Variants in TIGD1 observed in about 807,000 individuals in gnomAD.
TIGD1 encodes the protein tigger transposable element-derived protein 1.
A neutral mutation model predicts 21.3 loss-of-function variants in TIGD1; 20 were observed. The ratio of observed to expected loss-of-function variants is 0.94; its 90% CI spans 0.66 to 1.36. The LOEUF is 1.36. Among genes scored for constraint, TIGD1 ranks in the 40% most tolerant of loss-of-function variants. The pLI, the probability that TIGD1 is intolerant of heterozygous loss-of-function variation, is 0.00. For missense variants in TIGD1, 556 were observed against 350.5 expected, an observed-to-expected ratio of 1.59 and a Z score of -4.68; for synonymous variants, 177 against 123.2, an observed-to-expected ratio of 1.44 and a Z score of -2.89.
In TIGD1 at chr2:232,548,082, C is replaced by A. The variant is rs1480023300; in HGVS notation, c.*25G>T. The A allele has an allele frequency of 8.2e-6, 5 of 611,934 alleles. No individual in the cohort carries two copies. The highest frequency in any genetic ancestry group is 1.4e-5 in the Non-Finnish European group (5 of 360,332). 37.9% of individuals were successfully genotyped at this position (611,934 alleles called of 1,614,324 possible). ...ATATACATACCTAAATTTAAAAATA[C>A]TTTATTGCTAAAAAATGCTGATTAT... On this transcript the variant is annotated 3_prime_UTR_variant, in exon 1 of 1. Transcript: ENST00000408957.
At position 232,545,870 on chromosome 2, in the gene TIGD1, A is replaced by C. The variant is rs1692123585; in HGVS notation, c.*2237T>G. ...AACAGCCCTGAGAAAAGCTGGGGAA[A>C]CAGTCTGAGCTGGAGTCCGAGAGTG... is the stretch of plus-strand genomic sequence containing the variant. On this transcript the variant is annotated 3_prime_UTR_variant, in exon 1 of 1. Transcript: ENST00000408957. 2 of 890,838 alleles carry C rather than the reference A, an allele frequency of 2.2e-6. No individual in the cohort carries two copies. Among genetic ancestry groups the C allele is most frequent in the Admixed American group, 2.0e-5 (1 of 50,314 alleles). 55.2% of individuals were successfully genotyped at this position (890,838 alleles called of 1,614,324 possible). A position where few individuals can be genotyped will look rare whatever the true frequency, so the allele number is the denominator to read the frequency against.
Position 232,549,434 on chromosome 2 carries a change from G to A in TIGD1, c.449C>T (p.Ala150Val), listed in dbSNP as rs1455383823. The A allele has an allele frequency of 1.5e-6, 1 of 651,980 alleles. No individual in the cohort carries two copies. Among genetic ancestry groups the A allele is most frequent in the Non-Finnish European group, 2.7e-6 (1 of 364,988 alleles). The allele number at this position is 651,980 out of a possible 1,614,324, so 40.4% of individuals were successfully genotyped here. ...ATCAGCACTTGCTGCTTCACCTTGTGCTTTTATGTTATGGAAATGGCTTCT... is the reference window on the plus strand; with the variant it reads ...ATCAGCACTTGCTGCTTCACCTTGTACTTTTATGTTATGGAAATGGCTTCT... ...KERSHFHNIK[A>V]QGEAASADVE... Residue 150 changes from alanine (A) to valine (V), a missense_variant, in exon 1 of 1, where the codon GCA becomes GTA. Transcript: ENST00000408957.
Position 232,546,103 on chromosome 2 carries a change from T to C in TIGD1, c.*2004A>G, listed in dbSNP as rs1692128439. ...TGGCTCCCCTTTTACAAGTTCTCCCTGAAAGAGGGCAGTCACAAGAGGTGT... is the reference window on the plus strand; with the variant it reads ...TGGCTCCCCTTTTACAAGTTCTCCCCGAAAGAGGGCAGTCACAAGAGGTGT... On this transcript the variant is annotated 3_prime_UTR_variant, in exon 1 of 1. Coordinates refer to ENST00000408957, the MANE Select transcript of TIGD1 (RefSeq NM_145702.4). 1 of 346,790 alleles carries C rather than the reference T, an allele frequency of 2.9e-6. No individual in the cohort carries two copies. Among genetic ancestry groups the C allele is most frequent in the Non-Finnish European group, 5.7e-6 (1 of 176,828 alleles). 21.5% of individuals were successfully genotyped at this position (346,790 alleles called of 1,614,324 possible).
chr2:232,544,956 GTGATAGAGACAGGATGAGTGGGGT>G lies in TIGD1; in HGVS notation c.*3127_*3150del. On this transcript the variant is annotated 3_prime_UTR_variant, in exon 1 of 1. Transcript: ENST00000408957. ...GGAGTGAGTACCTGGGCTTGGAACC[GTGATAGAGACAGGATGAGTGGGGT>G]TGCCAAGATAGGGCAGTGGGATGGA... 8 of 1,610,496 alleles carry G rather than the reference GTGATAGAGACAGGATGAGTGGGGT, an allele frequency of 5.0e-6. No individual in the cohort carries two copies. The South Asian group carries it at 7.7e-5, about 16-fold the overall frequency.
At position 232,548,986 on chromosome 2, in the gene TIGD1, C is replaced by T; in HGVS notation, c.897G>A (p.Leu299=). 1.4e-6 allele frequency: 1 copy of T among 696,440 alleles called. No homozygotes were observed. The highest frequency in any genetic ancestry group is 2.6e-6 in the Non-Finnish European group (1 of 379,170). 43.1% of individuals were successfully genotyped at this position (696,440 alleles called of 1,614,324 possible). A position where few individuals can be genotyped will look rare whatever the true frequency, so the allele number is the denominator to read the frequency against. The change falls in exon 1 of 1, where the codon CTG becomes CTA. Residue 299 remains leucine, a synonymous_variant. Transcript: ENST00000408957. ...GATGACTAGGGGCATTGTCAATGAGCAGTAATATTTTGAAAGGAATCTTCT... is the reference window on the plus strand; with the variant it reads ...GATGACTAGGGGCATTGTCAATGAGTAGTAATATTTTGAAAGGAATCTTCT... ...SEKKIPFKIL[L]LIDNAPSHPR...
chr2:232,544,517 A>G lies in TIGD1; in HGVS notation c.*3590T>C, dbSNP rs1447979114. On this transcript the variant is annotated 3_prime_UTR_variant, in exon 1 of 1. Coordinates refer to ENST00000408957, the MANE Select transcript of TIGD1 (RefSeq NM_145702.4). ...GGAGGTGGCCCTCTGCCTGCCTCGC[A>G]GTGAACTCCTCTTCCAGCAGTGGCA... 3 of 1,613,858 alleles carry G rather than the reference A, an allele frequency of 1.9e-6. No homozygotes were observed. Among genetic ancestry groups the G allele is most frequent in the South Asian group, 2.2e-5 (2 of 91,084 alleles).
Position 232,550,369 on chromosome 2 carries a change from G to C in TIGD1, c.-487C>G. On this transcript the variant is annotated 5_prime_UTR_variant, in exon 1 of 1. Coordinates refer to ENST00000408957, the MANE Select transcript of TIGD1 (RefSeq NM_145702.4). ...GAGAGTGCGTCCCGCACTGGAGGAAGAGGAAGGTTTTTACCAAGCAGCGAG... is the reference window on the plus strand; with the variant it reads ...GAGAGTGCGTCCCGCACTGGAGGAACAGGAAGGTTTTTACCAAGCAGCGAG... The C allele has an allele frequency of 2.3e-6, 1 of 441,704 alleles. No individual in the cohort carries two copies. The highest frequency in any genetic ancestry group is 4.2e-6 in the Non-Finnish European group (1 of 239,542). 27.4% of individuals were successfully genotyped at this position (441,704 alleles called of 1,614,324 possible).
rs1692161930 is a variant in TIGD1 at position 232,548,069 on chromosome 2, A to C, written c.*38T>G. 1 of 597,654 alleles carries C rather than the reference A, an allele frequency of 1.7e-6. No individual in the cohort carries two copies. Among genetic ancestry groups the C allele is most frequent in the Non-Finnish European group, 2.9e-6 (1 of 346,016 alleles). 37.0% of individuals were successfully genotyped at this position (597,654 alleles called of 1,614,324 possible). A position where few individuals can be genotyped will look rare whatever the true frequency, so the allele number is the denominator to read the frequency against. On this transcript the variant is annotated 3_prime_UTR_variant, in exon 1 of 1. Coordinates refer to ENST00000408957, the MANE Select transcript of TIGD1 (RefSeq NM_145702.4). ...GTCTAATAAAACAATATACATACCT[A>C]AATTTAAAAATACTTTATTGCTAAA...
In TIGD1 at chr2:232,550,519, G is replaced by A; in HGVS notation, c.-637C>T. ...AGGACCTGGACAGAGGCAGAACTGAGGCCAGCAGCCAGCTCCGCCGCTGAG... is the reference window on the plus strand; with the variant it reads ...AGGACCTGGACAGAGGCAGAACTGAAGCCAGCAGCCAGCTCCGCCGCTGAG... On this transcript the variant is annotated 5_prime_UTR_variant, in exon 1 of 1. Transcript: ENST00000408957. 1.6e-6 allele frequency: 1 copy of A among 635,522 alleles called. No individual in the cohort carries two copies. 39.4% of individuals were successfully genotyped at this position (635,522 alleles called of 1,614,324 possible).
chr2:232,544,599 G>A lies in TIGD1; in HGVS notation c.*3508C>T. The A allele has an allele frequency of 6.2e-7, 1 of 1,604,664 alleles. No homozygotes were observed. The highest frequency in any genetic ancestry group is 8.5e-7 in the Non-Finnish European group (1 of 1,172,604). On this transcript the variant is annotated 3_prime_UTR_variant, in exon 1 of 1. Transcript: ENST00000408957. ...AAGCTAGGTGAGACACACCAGGTGT[G>A]CCTGGGGACAGTCCTCCCCTGGGAC...
chr2:232,545,304 G>C lies in TIGD1; in HGVS notation c.*2803C>G, dbSNP rs1320923511. Among the ~76,000 whole-genome samples the C allele has an allele frequency of 1.2e-4, 18 of 149,288 alleles. No individual in the cohort carries two copies. Among genetic ancestry groups the C allele is most frequent in the African/African-American group, 4.4e-4 (18 of 40,716 alleles). ...TCTGGCCTGGGTGAAAGAGTGAGAC[G>C]TGAGACTCCGTCTCAAAAAAAAAAA... On this transcript the variant is annotated 3_prime_UTR_variant, in exon 1 of 1. Coordinates refer to ENST00000408957, the MANE Select transcript of TIGD1 (RefSeq NM_145702.4).
Position 232,548,870 on chromosome 2 carries a change from AC to A in TIGD1, c.1012del (p.Val338Ter), listed in dbSNP as rs1692191233. The part of the protein sequence containing the change: ...TSILQPMDQG[V>X]ISTFKSYYLR... ...ATAATAAGACTTGAAGGTCGAAATTACCCCTTGATCCATGGGCTGCAGAATG... is the reference window on the plus strand; with the variant it reads ...ATAATAAGACTTGAAGGTCGAAATTACCCTTGATCCATGGGCTGCAGAATG... On this transcript the variant is annotated frameshift_variant, in exon 1 of 1. Coordinates refer to ENST00000408957, the MANE Select transcript of TIGD1 (RefSeq NM_145702.4). LOFTEE classifies it high-confidence loss of function. 1.6e-6 allele frequency: 1 copy of A among 636,016 alleles called. No homozygotes were observed. The highest frequency in any genetic ancestry group is 2.9e-6 in the Non-Finnish European group (1 of 349,172). 39.4% of individuals were successfully genotyped at this position (636,016 alleles called of 1,614,324 possible). A position where few individuals can be genotyped will look rare whatever the true frequency, so the allele number is the denominator to read the frequency against.
chr2:232,545,905 G>A lies in TIGD1; in HGVS notation c.*2202C>T. ...CTGGAGTCCGAGAGTGGTTGGGGGT[G>A]GGCCGTGGCTAGTGTCCTGCTGCAG... On this transcript the variant is annotated 3_prime_UTR_variant, in exon 1 of 1. Transcript: ENST00000408957. 2 of 710,596 alleles carry A rather than the reference G, an allele frequency of 2.8e-6. No individual in the cohort carries two copies. The highest frequency in any genetic ancestry group is 4.9e-6 in the Non-Finnish European group (2 of 407,350). 44.0% of individuals were successfully genotyped at this position (710,596 alleles called of 1,614,324 possible).
At position 232,547,928 on chromosome 2, in the gene TIGD1, A is replaced by C. The variant is rs1692159448; in HGVS notation, c.*179T>G. ...TCGAGGCATACCTCAAAGACATTGC[A>C]GGTTCAGTTCCAGACCAACACAAGA... On this transcript the variant is annotated 3_prime_UTR_variant, in exon 1 of 1. Coordinates refer to ENST00000408957, the MANE Select transcript of TIGD1 (RefSeq NM_145702.4). The C allele has an allele frequency of 4.5e-6, 2 of 442,970 alleles. No homozygotes were observed. Among genetic ancestry groups the C allele is most frequent in the Non-Finnish European group, 7.9e-6 (2 of 254,076 alleles). The allele number at this position is 442,970 out of a possible 1,614,324, so 27.4% of individuals were successfully genotyped here. A position where few individuals can be genotyped will look rare whatever the true frequency, so the allele number is the denominator to read the frequency against.
chr2:232,546,170 C>A lies in TIGD1; in HGVS notation c.*1937G>T. ...TGCTCTCTCCAAAGCAGGGCAGCAGCCCATACCAGCTGGCATCTCCCCCCC... is the reference window on the plus strand; with the variant it reads ...TGCTCTCTCCAAAGCAGGGCAGCAGACCATACCAGCTGGCATCTCCCCCCC... On this transcript the variant is annotated 3_prime_UTR_variant, in exon 1 of 1. Coordinates refer to ENST00000408957, the MANE Select transcript of TIGD1 (RefSeq NM_145702.4). The A allele has an allele frequency of 8.4e-6, 2 of 239,112 alleles. No homozygotes were observed. Among genetic ancestry groups the A allele is most frequent in the Admixed American group, 5.0e-5 (1 of 19,926 alleles). 14.8% of individuals were successfully genotyped at this position (239,112 alleles called of 1,614,324 possible).
In TIGD1 at chr2:232,545,753, A is replaced by C. The variant is rs758181611; in HGVS notation, c.*2354T>G. 2.5e-6 allele frequency: 4 copies of C among 1,607,874 alleles called. No homozygotes were observed. Among genetic ancestry groups the C allele is most frequent in the Non-Finnish European group, 3.4e-6 (4 of 1,174,832 alleles). ...ACTGTGGGGCATGTGGGAGTCACAC[A>C]CGTGGGTCACACTGAGTCTTATCAG... On this transcript the variant is annotated 3_prime_UTR_variant, in exon 1 of 1. Transcript: ENST00000408957.
chr2:232,546,012 C>A lies in TIGD1; in HGVS notation c.*2095G>T. 1.9e-6 allele frequency: 1 copy of A among 522,220 alleles called. No homozygotes were observed. Among genetic ancestry groups the A allele is most frequent in the Admixed American group, 3.1e-5 (1 of 32,290 alleles). 32.3% of individuals were successfully genotyped at this position (522,220 alleles called of 1,614,324 possible). A position where few individuals can be genotyped will look rare whatever the true frequency, so the allele number is the denominator to read the frequency against. On this transcript the variant is annotated 3_prime_UTR_variant, in exon 1 of 1. Coordinates refer to ENST00000408957, the MANE Select transcript of TIGD1 (RefSeq NM_145702.4). ...GTGCACTCCCCTCACTTAGGCAAAG[C>A]ATTATTCATTCCCATCAGTCTGAAG...
In TIGD1 at chr2:232,549,913, AT is replaced by A. The variant is rs1388927503; in HGVS notation, c.-32del. 8.2e-7 allele frequency: 1 copy of A among 1,217,106 alleles called. No homozygotes were observed. Among genetic ancestry groups the A allele is most frequent in the Non-Finnish European group, 1.1e-6 (1 of 880,218 alleles). 75.4% of individuals were successfully genotyped at this position (1,217,106 alleles called of 1,614,324 possible). A position where few individuals can be genotyped will look rare whatever the true frequency, so the allele number is the denominator to read the frequency against. On this transcript the variant is annotated 5_prime_UTR_variant, in exon 1 of 1. Transcript: ENST00000408957. ...AGTCATTAATTCGCCTAATCTCAATATTGTTGTGTCTCAGGGAATAGGGAGG... is the reference window on the plus strand; with the variant it reads ...AGTCATTAATTCGCCTAATCTCAATATGTTGTGTCTCAGGGAATAGGGAGG...
rs1395049117 is a variant in TIGD1 at position 232,544,928 on chromosome 2, G to A, written c.*3179C>T. 1.9e-6 allele frequency: 3 copies of A among 1,613,484 alleles called. No individual in the cohort carries two copies. Among genetic ancestry groups the A allele is most frequent in the Non-Finnish European group, 1.7e-6 (2 of 1,179,888 alleles). On this transcript the variant is annotated 3_prime_UTR_variant, in exon 1 of 1. Transcript: ENST00000408957. ...GTAAGCTGAGTCAGGGTGGGGTGGA[G>A]GTGGAGTGAGTACCTGGGCTTGGAA...
Sources: allele counts gnomAD v4.1 joint callset (sites outside exome capture counted in the v4.1 genomes callset), GRCh38; gene constraint gnomAD v4.1.1; transcripts MANE v1.5; gene names NCBI Gene and HGNC (gene_info 2026-07-23, HGNC 2026-07-21).